Variants in DIAPH2 observed in about 807,000 individuals in gnomAD.
DIAPH2 encodes the protein protein diaphanous homolog 2.
Under a neutral mutation model 92.7 loss-of-function variants are expected in DIAPH2, and 35 were observed. That is an observed-to-expected ratio of 0.38 (90% CI 0.29 to 0.50). The LOEUF (loss-of-function observed/expected upper bound fraction) is 0.50. Among genes scored for constraint, DIAPH2 ranks in the 20% least tolerant of loss-of-function variants. The pLI is 0.94. For missense variants in DIAPH2, 701 were observed against 819.5 expected, an observed-to-expected ratio of 0.86 and a Z score of 1.77; for synonymous variants, 301 against 280.4, an observed-to-expected ratio of 1.07 and a Z score of -0.73.
intron 22 of DIAPH2, among the ~76,000 whole-genome samples, chrX:97,225,128 A>T (rs1161551611): frequency 1.8e-5 from 2 of 111,556 alleles, no homozygotes; most frequent in Non-Finnish European, 3.8e-5. Context: ...TGCTTAAAAA[A>T]AAAACCTTGC....
intron 23 of DIAPH2, among the ~76,000 whole-genome samples, chrX:97,283,542 A>G (rs1002923308): frequency 1.2e-4 from 13 of 112,465 alleles, no homozygotes; most frequent in African/African-American, 3.6e-4. Context: ...CTCCCTAGAC[A>G]TGAGCGTGTT....
intron 23 of DIAPH2, among the ~76,000 whole-genome samples, chrX:97,294,304 C>G (rs1159466498): frequency 9.0e-6 from 1 of 111,668 alleles, no homozygotes; most frequent in Non-Finnish European, 1.9e-5. Flanking sequence ...AAGATAACAT[C>G]CTTATTTATT....
rs187680867 is a variant in DIAPH2 at position 97,227,356 on chromosome X, A to G, written c.2720-20359A>G. On this transcript the variant is annotated intron_variant, in intron 22 of 26. Transcript: ENST00000324765. ...ATAAGGATATTTCCCTATTCTATTC[A>G]TTTATTATTTAGTACTTCACATAGT... 5.4e-4 allele frequency among the ~76,000 whole-genome samples: 61 copies of G among 111,994 alleles called. 1 individual carries two copies. The highest frequency in any genetic ancestry group is 1.9e-3 in the African/African-American group (60 of 30,892).
At chrX:96,970,593 T>C (rs1299828137) in intron 17 of DIAPH2, among the ~76,000 whole-genome samples, 5 of 111,288 alleles carry the variant, frequency 4.5e-5, no homozygotes, top group Non-Finnish European at 1.9e-5. Flanking sequence ...TAATGTCACC[T>C]TTGTTGTTTC....
At chrX:97,318,913 A>G (rs1184748549) in intron 23 of DIAPH2, among the ~76,000 whole-genome samples, 1 of 112,026 alleles carries the variant, frequency 8.9e-6, no homozygotes, top group Non-Finnish European at 1.9e-5. Flanking sequence ...TTATTAATAG[A>G]ATCAGAAATA....
In DIAPH2 at chrX:97,308,947, G is replaced by A. The variant is rs1335229658; in HGVS notation, c.2845-39169G>A. Among the ~76,000 whole-genome samples the A allele has an allele frequency of 1.0e-4, 11 of 105,308 alleles. No homozygotes were observed. In the Admixed American group the frequency reaches 1.1e-3, roughly 11 times the overall value. The allele number at this position is 105,308 out of a possible 115,157, so 91.4% of individuals were successfully genotyped here. ...GGCAGGAGATGGCTCGAACCTGGGA[G>A]GCAGAGGTTGTAGTGAGCTGAGATC... is the stretch of plus-strand genomic sequence containing the variant. On this transcript the variant is annotated intron_variant, in intron 23 of 26. Transcript: ENST00000324765.
At chrX:97,005,498 T>G (rs1602707817) in intron 17 of DIAPH2, among the ~76,000 whole-genome samples, 1 of 111,631 alleles carries the variant, frequency 9.0e-6, no homozygotes, top group East Asian at 2.8e-4. Context: ...GTTTTGGATT[T>G]CTTCATGATT....
intron 4 of DIAPH2, among the ~76,000 whole-genome samples, chrX:96,879,593 T>C (rs990291626): frequency 6.3e-5 from 7 of 111,004 alleles, no homozygotes; most frequent in Non-Finnish European, 1.3e-4. Flanking sequence ...ATTTGCAAAA[T>C]TATGCTTTAA....
intron 23 of DIAPH2, among the ~76,000 whole-genome samples, chrX:97,332,316 A>G (rs1389447891): frequency 2.7e-5 from 3 of 111,806 alleles, no homozygotes; most frequent in East Asian, 2.8e-4. Context: ...CATCTTGTAT[A>G]TATATAAAAA....
At chrX:97,207,238 C>G (rs2067804657) in intron 22 of DIAPH2, among the ~76,000 whole-genome samples, 1 of 111,844 alleles carries the variant, frequency 8.9e-6, no homozygotes, top group South Asian at 3.7e-4. Context: ...AAAAATGTTA[C>G]CAGTCGTATA....
chrX:97,482,972 C>T (rs1271126752), intron 26 of DIAPH2, among the ~76,000 whole-genome samples: 2 of 110,815 alleles, frequency 1.8e-5, no homozygotes, highest in Non-Finnish European at 3.8e-5. Context: ...ACAAAAATGA[C>T]CATATAGCTC....
At chrX:97,258,339 C>A (rs1309298252) in intron 23 of DIAPH2, among the ~76,000 whole-genome samples, 1 of 108,723 alleles carries the variant, frequency 9.2e-6, no homozygotes, top group Non-Finnish European at 1.9e-5. Flanking sequence ...TTTGGGAGGC[C>A]AAGGTGGGTG....
In DIAPH2 at chrX:97,185,405, A is replaced by ATG. The variant is rs1489435558; in HGVS notation, c.2719+43612_2719+43613insGT. 1.1e-3 allele frequency among the ~76,000 whole-genome samples: 58 copies of ATG among 53,629 alleles called. 4 individuals are homozygous for ATG. Among genetic ancestry groups the ATG allele is most frequent in the African/African-American group, 5.5e-3 (53 of 9,594 alleles). 46.6% of individuals were successfully genotyped at this position (53,629 alleles called of 115,157 possible). ...TGTATATATATATGTGTATATATAT[A>ATG]TATATGTATATATATATGTATATAT... On this transcript the variant is annotated intron_variant, in intron 22 of 26. Transcript: ENST00000324765.
intron 4 of DIAPH2, among the ~76,000 whole-genome samples, chrX:96,830,020 A>AT (rs1450070322): frequency 2.7e-5 from 3 of 110,566 alleles, no homozygotes; most frequent in Non-Finnish European, 5.7e-5. Context: ...ATATATATAT[A>AT]AAAAAAGGTT....
At chrX:96,782,067 A>C (rs2064421626) in intron 4 of DIAPH2, among the ~76,000 whole-genome samples, 2 of 112,108 alleles carry the variant, frequency 1.8e-5, no homozygotes, top group Admixed American at 1.9e-4. Context: ...TTAATACTAT[A>C]TAAACCTCAC....
chrX:97,543,029 CT>C (rs770924471), intron 26 of DIAPH2, among the ~76,000 whole-genome samples: 306 of 112,309 alleles, frequency 2.7e-3, no homozygotes, highest in Non-Finnish European at 4.7e-3. Flanking sequence ...AACTTAATGG[CT>C]TAAAATCATT....
At chrX:97,289,942 C>G (rs903431274) in intron 23 of DIAPH2, among the ~76,000 whole-genome samples, 1 of 109,735 alleles carries the variant, frequency 9.1e-6, no homozygotes, top group Non-Finnish European at 1.9e-5. Flanking sequence ...GCCAGGCCAG[C>G]CTCAAGTGAG....
At position 97,096,382 on chromosome X, in the gene DIAPH2, T is replaced by TTCTTGC. The variant is rs1473616061; in HGVS notation, c.2248-3303_2248-3298dup. Among the ~76,000 whole-genome samples, 5 of 112,265 alleles carry TTCTTGC rather than the reference T, an allele frequency of 4.5e-5. No homozygotes were observed. The East Asian group carries it at 8.4e-4, about 19-fold the overall frequency. On this transcript the variant is annotated intron_variant, in intron 19 of 26. Transcript: ENST00000324765. ...GATCTGTGTCACTTCACCTGTATTT[T>TTCTTGC]TCTTGCTCTTGCTCATAGCTGCTGT...
At chrX:96,767,677 A>G (rs2147610005) in intron 4 of DIAPH2, among the ~76,000 whole-genome samples, 1 of 111,518 alleles carries the variant, frequency 9.0e-6, no homozygotes, top group African/African-American at 3.3e-5. Flanking sequence ...CTATTTGAAG[A>G]TTTAAAGGGA....
Sources: gnomAD v4.1 joint callset for allele counts (sites outside exome capture counted in the v4.1 genomes callset) on GRCh38, gnomAD v4.1.1 for gene constraint, MANE v1.5 for transcripts, NCBI Gene and HGNC (gene_info 2026-07-23, HGNC 2026-07-21) for gene names.